The following FAM162A variants were observed in gnomAD, a reference collection of about 807,000 sequenced individuals.
FAM162A encodes the protein protein FAM162A.
A neutral mutation model predicts 21.8 loss-of-function variants in FAM162A; 23 were observed. That is an observed-to-expected ratio of 1.05 (90% CI 0.76 to 1.49). The LOEUF (loss-of-function observed/expected upper bound fraction) is 1.49, where lower values mean the gene tolerates loss of function less well. FAM162A is among the 40% of genes most tolerant of loss of function. FAM162A has a pLI of 0.00. For synonymous variants in FAM162A, 53 were observed against 61.3 expected (o/e 0.86, Z 0.64); for missense variants, 165 against 186.4 (o/e 0.89, Z 0.67).
Position 122,404,343 on chromosome 3 carries a change from T to C in FAM162A, c.243T>C (p.Asp81=). ...GGTCAGGTCGCTTCAAAAAGGAAGA[T>C]GAAATCCCAGAGACTGTCTCGTGAG... The part of the protein sequence containing the change: ...LIWSGRFKKE[D]EIPETVSLEM... The change falls in exon 3 of 5, where the codon GAT becomes GAC. Residue 81 remains aspartate (D), a synonymous_variant. Transcript: ENST00000477892. The C allele has an allele frequency of 2.5e-6, 4 of 1,598,962 alleles. No homozygotes were observed. The highest frequency in any genetic ancestry group is 3.4e-6 in the Non-Finnish European group (4 of 1,170,098).
chr3:122,404,304 A>C lies in FAM162A; in HGVS notation c.204A>C (p.Lys68Asn), dbSNP rs753902355. 7.5e-6 allele frequency: 12 copies of C among 1,610,094 alleles called. No homozygotes were observed. Among genetic ancestry groups the C allele is most frequent in the Non-Finnish European group, 1.0e-5 (12 of 1,178,316 alleles). Residue 68 changes from lysine (K) to asparagine (N), a missense_variant, in exon 3 of 5, where the codon AAA (lysine) becomes AAC (asparagine). Lys to Asn is a moderately conservative substitution (Grantham distance 94). Coordinates refer to ENST00000477892, the MANE Select transcript of FAM162A (RefSeq NM_014367.4). ...VPLHKPTDWQ[K>N]KILIWSGRFK... ...TACACAAACCTACGGATTGGCAGAA[A>C]AAGATCCTCATATGGTCAGGTCGCT...
intron 1 of FAM162A, among the ~76,000 whole-genome samples, chr3:122,397,457 T>TG (rs1409609575): frequency 1.3e-5 from 2 of 152,196 alleles, no homozygotes; most frequent in Non-Finnish European, 2.9e-5. Context: ...ATACAAGTCT[T>TG]GGACATTCCA....
chr3:122,389,392 T>C (rs1054856434), intron 1 of FAM162A, among the ~76,000 whole-genome samples: 3 of 115,464 alleles, frequency 2.6e-5, no homozygotes, highest in African/African-American at 9.5e-5. Flanking sequence ...GATAGATAGA[T>C]AGATAGATAG....
At chr3:122,390,705 A>G (rs55857899) in intron 1 of FAM162A, among the ~76,000 whole-genome samples, 26,852 of 152,178 alleles carry the variant, frequency 0.18, 2,598 homozygotes, top group Middle Eastern at 0.29. Context: ...TACCTGGGCA[A>G]TTGTTAGAAG....
intron 1 of FAM162A, among the ~76,000 whole-genome samples, chr3:122,388,289 G>T (rs573011550): frequency 6.6e-6 from 1 of 152,270 alleles, no homozygotes; most frequent in East Asian, 1.9e-4. Context: ...TTGCCTCATT[G>T]TCAGAAATAA....
At chr3:122,396,071 G>C (rs1191688202) in intron 1 of FAM162A, among the ~76,000 whole-genome samples, 1 of 152,100 alleles carries the variant, frequency 6.6e-6, no homozygotes, top group Non-Finnish European at 1.5e-5. Flanking sequence ...CTAAATGTTA[G>C]AGCTAAAACT....
intron 1 of FAM162A, among the ~76,000 whole-genome samples, chr3:122,391,674 G>A (rs2075604937): frequency 1.3e-5 from 2 of 152,178 alleles, no homozygotes; most frequent in Admixed American, 1.3e-4. Context: ...AATTCTACTT[G>A]TCTTCCCATT....
intron 1 of FAM162A, among the ~76,000 whole-genome samples, chr3:122,397,661 C>T (rs1455827208): frequency 2.0e-5 from 3 of 152,302 alleles, no homozygotes; most frequent in Non-Finnish European, 2.9e-5. Flanking sequence ...GAATTACTCT[C>T]CTTTTCTCCC....
chr3:122,407,260 A>G (rs1256435223), intron 3 of FAM162A, 21 bp from the exon 4 acceptor site: 4 of 1,603,866 alleles, frequency 2.5e-6, no homozygotes, highest in Middle Eastern at 1.7e-4. Context: ...ACTTTCTCTC[A>G]TGATCTCATT....
intron 1 of FAM162A, among the ~76,000 whole-genome samples, chr3:122,385,619 G>A (rs1380546343): frequency 6.6e-6 from 1 of 152,142 alleles, no homozygotes; most frequent in Non-Finnish European, 1.5e-5. Context: ...ATATATTTAT[G>A]CATCTTGCAT....
intron 1 of FAM162A, among the ~76,000 whole-genome samples, chr3:122,393,596 C>G (rs1037991389): frequency 2.6e-5 from 4 of 152,184 alleles, no homozygotes; most frequent in African/African-American, 9.7e-5. Context: ...TCGCTGGAAA[C>G]CCCACTCACA....
chr3:122,396,227 A>G (rs1484994860), intron 1 of FAM162A, among the ~76,000 whole-genome samples: 1 of 152,192 alleles, frequency 6.6e-6, no homozygotes, highest in African/African-American at 2.4e-5. Flanking sequence ...AGATAGTGAA[A>G]AGATACCCAT....
rs940527824 is a variant in FAM162A at position 122,409,817 on chromosome 3, G to A, written c.451G>A (p.Ala151Thr). ...ARLKEEAAMK[A>T]KTE The stretch of plus-strand genomic sequence containing the variant: ...TCTGAAAGAGGAAGCAGCTATGAAG[G>A]CCAAAACAGAGTAGCAGAGGTATCC... The change falls in exon 5 of 5, where the codon GCC becomes ACC. Residue 151 changes from alanine (A) to threonine (T), a missense_variant. Transcript: ENST00000477892. 6.2e-7 allele frequency: 1 copy of A among 1,613,906 alleles called. No homozygotes were observed. Among genetic ancestry groups the A allele is most frequent in the Admixed American group, 1.7e-5 (1 of 60,018 alleles).
At chr3:122,407,991 G>T (rs1576254110) in intron 4 of FAM162A, 1 of 152,396 alleles carries the variant, frequency 6.6e-6, no homozygotes. Context: ...TGTAAGATAA[G>T]TATTATTAGG....
chr3:122,397,109 T>A lies in FAM162A; in HGVS notation c.35-5651T>A, dbSNP rs565914201. Among the ~76,000 whole-genome samples, 5 of 152,304 alleles carry A rather than the reference T, an allele frequency of 3.3e-5. No homozygotes were observed. The South Asian group carries it at 1.0e-3, about 32-fold the overall frequency. On this transcript the variant is annotated intron_variant, in intron 1 of 4. Coordinates refer to ENST00000477892, the MANE Select transcript of FAM162A (RefSeq NM_014367.4). ...GAGTTTTATGGTAGGGAATTATGTA[T>A]CAATAAAAGTATTATTTTAAAAATC...
rs775378118 is a variant in FAM162A at position 122,404,265 on chromosome 3, C to A, written c.165C>A (p.Tyr55Ter). Residue 55 changes from tyrosine (Y) to a stop codon, truncating the protein, a stop_gained, in exon 3 of 5, where the codon TAC becomes TAA. Coordinates refer to ENST00000477892, the MANE Select transcript of FAM162A (RefSeq NM_014367.4). LOFTEE classifies it high-confidence loss of function. ...GTCTGGTTTTTCTCATAGGCACTTA[C>A]AACAGAGTGCCTTTACACAAACCTA... ...QESPGAPSRT[Y>*]NRVPLHKPTD... is the part of the protein sequence containing the mutation. 2 of 1,568,678 alleles carry A rather than the reference C, an allele frequency of 1.3e-6. No homozygotes were observed. The highest frequency in any genetic ancestry group is 8.7e-7 in the Non-Finnish European group (1 of 1,152,170).
At chr3:122,398,856 CTAATA>C (rs1255428542) in intron 1 of FAM162A, among the ~76,000 whole-genome samples, 5 of 151,904 alleles carry the variant, frequency 3.3e-5, no homozygotes, top group African/African-American at 7.3e-5. Context: ...TGTGGATGAA[CTAATA>C]TAATATTTGG....
At chr3:122,396,031 T>G (rs2075625597) in intron 1 of FAM162A, among the ~76,000 whole-genome samples, 1 of 152,186 alleles carries the variant, frequency 6.6e-6, no homozygotes, top group Non-Finnish European at 1.5e-5. Context: ...ACAGAAAGTA[T>G]ACTAGTATAA....
intron 1 of FAM162A, among the ~76,000 whole-genome samples, chr3:122,387,318 C>G (rs2075579483): frequency 6.6e-6 from 1 of 152,164 alleles, no homozygotes; most frequent in African/African-American, 2.4e-5. Flanking sequence ...GTTGACTGGT[C>G]AGATTTGAAA....
Sources: gnomAD v4.1 joint callset for allele counts (sites outside exome capture counted in the v4.1 genomes callset) on GRCh38, gnomAD v4.1.1 for gene constraint, MANE v1.5 for transcripts, NCBI Gene and HGNC (gene_info 2026-07-23, HGNC 2026-07-21) for gene names.